Variants in AVEN observed in about 807,000 individuals in gnomAD.
AVEN encodes apoptosis and caspase activation inhibitor.
A neutral mutation model predicts 38.1 loss-of-function variants in AVEN; 41 were observed. That is an observed-to-expected ratio of 1.08 (90% CI 0.84 to 1.40). AVEN has a LOEUF of 1.40. Among genes scored for constraint, AVEN ranks in the 40% most tolerant of loss-of-function variants. AVEN has a pLI of 0.00. For missense variants in AVEN, 605 were observed against 438.8 expected (o/e 1.38, Z -3.38); for synonymous variants, 206 against 171.8 (o/e 1.20, Z -1.56).
chr15:33,936,147 A>C (rs892804455), intron 2 of AVEN, among the ~76,000 whole-genome samples: 2 of 152,156 alleles, frequency 1.3e-5, no homozygotes, highest in Non-Finnish European at 2.9e-5. Flanking sequence ...GAAAAAAAAA[A>C]CAACAAGGAT....
At chr15:34,029,025 G>T (rs990510155) in intron 1 of AVEN, among the ~76,000 whole-genome samples, 7 of 151,984 alleles carry the variant, frequency 4.6e-5, no homozygotes, top group African/African-American at 1.7e-4. Flanking sequence ...ATTACTATTT[G>T]TCCACAACTC....
chr15:34,042,353 G>A (rs1046567950), upstream of AVEN, among the ~76,000 whole-genome samples: 11 of 150,674 alleles, frequency 7.3e-5, no homozygotes, highest in Admixed American at 2.7e-4. Context: ...CCTTAGAAAC[G>A]AAACTGTACT....
At chr15:33,896,385 G>C (rs2551416) in intron 2 of AVEN, among the ~76,000 whole-genome samples, 124,688 of 152,128 alleles carry the variant, frequency 0.82, 55,189 homozygotes, top group Non-Finnish European at 0.98. Flanking sequence ...TTCTCCAGGC[G>C]TCAGTTCTCT....
chr15:33,860,756 G>C (rs1597107815), intron 11 of AVEN: 2 of 939,226 alleles, frequency 2.1e-6, no homozygotes. Flanking sequence ...CTTAGGGCCA[G>C]TACTAAGCAA....
intron 2 of AVEN, among the ~76,000 whole-genome samples, chr15:34,001,019 ATT>A (rs562045179): frequency 2.0e-4 from 27 of 136,714 alleles, no homozygotes; most frequent in African/African-American, 4.5e-4. Context: ...TTGGACTAGA[ATT>A]TTTTTTTTTT....
At chr15:33,996,893 T>C (rs1261047239) in intron 2 of AVEN, among the ~76,000 whole-genome samples, 2 of 152,132 alleles carry the variant, frequency 1.3e-5, no homozygotes, top group Non-Finnish European at 2.9e-5. Context: ...GGAAGGCTGG[T>C]AATAACAAAC....
intron 5 of AVEN, among the ~76,000 whole-genome samples, chr15:34,049,368 T>A (rs1899846071): frequency 6.6e-6 from 1 of 152,158 alleles, no homozygotes; most frequent in Non-Finnish European, 1.5e-5. Context: ...ATAACAGACC[T>A]AATGGTGCTG....
chr15:33,864,438 T>G (rs117825144), downstream of AVEN, among the ~76,000 whole-genome samples: 4,937 of 151,212 alleles, frequency 0.033, 159 homozygotes, highest in Non-Finnish European at 0.039. Context: ...GGGAGAACAT[T>G]ACAGAGACAA....
At chr15:33,897,162 G>T (rs1892265867) in intron 2 of AVEN, among the ~76,000 whole-genome samples, 2 of 152,158 alleles carry the variant, frequency 1.3e-5, no homozygotes, top group Non-Finnish European at 2.9e-5. Flanking sequence ...AAGGTACATA[G>T]GGAACTTTCT....
chr15:34,000,831 CAATTACCA>C (rs1191379653), intron 2 of AVEN, among the ~76,000 whole-genome samples: 1 of 151,858 alleles, frequency 6.6e-6, no homozygotes, highest in Non-Finnish European at 1.5e-5. Context: ...AAGACAGCTG[CAATTACCA>C]AAAAAACCAA....
chr15:34,028,151 A>T (rs773930419), intron 1 of AVEN, among the ~76,000 whole-genome samples: 25 of 152,226 alleles, frequency 1.6e-4, no homozygotes, highest in Non-Finnish European at 3.2e-4. Context: ...CCATTTAAAA[A>T]ATTTTTTAAT....
rs549869522 is a variant in AVEN, at chr15:34,030,436, C to T, written c.267+8344G>A. ...TCTCGCTTCACTGCAAGCTCCGCCT[C>T]CCAGGTTCATGCCATTCTCCTGCCT... On this transcript the variant is annotated intron_variant, in intron 1 of 5. Transcript: ENST00000306730. 4.6e-5 allele frequency among the ~76,000 whole-genome samples: 7 copies of T among 152,048 alleles called. No homozygotes were observed. The South Asian group carries it at 1.5e-3, about 32-fold the overall frequency.
chr15:33,853,766 T>C, the AVEN span: 3 of 1,515,836 alleles, frequency 2.0e-6, no homozygotes, highest in Non-Finnish European at 1.8e-6. Context: ...CACAACCGTG[T>C]CTTTGTTCTC....
intron 2 of AVEN, among the ~76,000 whole-genome samples, chr15:33,917,351 G>GTGT (rs1555506890): frequency 7.8e-5 from 11 of 140,356 alleles, no homozygotes; most frequent in African/African-American, 2.6e-4. Flanking sequence ...AAGAAAATGT[G>GTGT]GTGTGTGTGT....
chr15:33,977,177 A>G (rs1294320055), intron 2 of AVEN, among the ~76,000 whole-genome samples: 1 of 152,190 alleles, frequency 6.6e-6, no homozygotes, highest in Non-Finnish European at 1.5e-5. Flanking sequence ...AATGAACAAA[A>G]AACACAAAAT....
intron 5 of AVEN, among the ~76,000 whole-genome samples, chr15:34,047,375 C>T (rs528679289): frequency 5.9e-5 from 9 of 152,282 alleles, no homozygotes; most frequent in African/African-American, 1.4e-4. Flanking sequence ...CCGTGCCCGG[C>T]GGAGACCTAG....
In AVEN at chr15:33,904,694, A is replaced by AATAT. The variant is rs1223406628; in HGVS notation, c.446-28703_446-28700dup. Among the ~76,000 whole-genome samples, 14 of 112,758 alleles carry AATAT rather than the reference A, an allele frequency of 1.2e-4. No homozygotes were observed. The South Asian group carries it at 2.0e-3, about 16-fold the overall frequency. The allele number at this position is 112,758 out of a possible 152,430, so 74.0% of individuals were successfully genotyped here. A position where few individuals can be genotyped will look rare whatever the true frequency, so the allele number is the denominator to read the frequency against. ...GAGACTGTTTCTTTAAAAAAAAAAA[A>AATAT]ATATATATATATATATATATATACA... is the stretch of plus-strand genomic sequence containing the variant. On this transcript the variant is annotated intron_variant, in intron 2 of 5. Transcript: ENST00000306730.
At chr15:33,937,541 A>T (rs113118177) in intron 2 of AVEN, among the ~76,000 whole-genome samples, 2,933 of 152,190 alleles carry the variant, frequency 0.019, 31 homozygotes, top group Admixed American at 0.038. Flanking sequence ...TCAAAAAAAA[A>T]AAATAAATCC....
chr15:34,065,778 T>G (rs1056848509), intron 4 of AVEN: 1 of 152,204 alleles, frequency 6.6e-6, no homozygotes, highest in Non-Finnish European at 1.5e-5. Context: ...GAAGCAGTAG[T>G]GTGGTACACA....
Sources: allele counts gnomAD v4.1 joint callset (sites outside exome capture counted in the v4.1 genomes callset), GRCh38; gene constraint gnomAD v4.1.1; transcripts MANE v1.5; gene names NCBI Gene and HGNC (gene_info 2026-07-23, HGNC 2026-07-21).